SERPINB11: variants seen among roughly 807,000 people sequenced by gnomAD.
SERPINB11 encodes serpin B11.
SERPINB11 carries 32 observed loss-of-function variants against 36.7 expected under a neutral mutation model. The observed-to-expected ratio is 0.87, with a 90% CI of 0.66 to 1.17. The LOEUF (loss-of-function observed/expected upper bound fraction) is 1.17, where lower values mean the gene tolerates loss of function less well. Ranked by LOEUF, SERPINB11 falls within the 50% of genes most tolerant of loss-of-function variation. The pLI, the probability that SERPINB11 is intolerant of heterozygous loss-of-function variation, is 0.00. For missense variants in SERPINB11, 528 were observed against 458.4 expected (o/e 1.15, Z -1.39); for synonymous variants, 174 against 168.1 (o/e 1.04, Z -0.27).
At position 63,720,909 on chromosome 18, in the gene SERPINB11, G is replaced by T; in HGVS notation, c.697G>T (p.Val233Phe). 1 of 1,603,876 alleles carries T rather than the reference G, an allele frequency of 6.2e-7. No homozygotes were observed. Among genetic ancestry groups the T allele is most frequent in the South Asian group, 1.1e-5 (1 of 89,416 alleles). ...LAFVKEPQMQ[V>F]LELPYVNNKL... ...CTTTGTAAAGGAGCCGCAGATGCAA[G>T]TTCTTGAGCTGCCCTACGTTAACAA... Residue 233 changes from valine to phenylalanine, a missense_variant, in exon 7 of 8, where the codon GTT (valine) becomes TTT (phenylalanine). Coordinates refer to ENST00000544088, the MANE Select transcript of SERPINB11 (RefSeq NM_001370475.1).
At chr18:63,702,573 T>C (rs1455028395), upstream of SERPINB11, among the ~76,000 whole-genome samples, 1 of 152,136 alleles carries the variant, frequency 6.6e-6, no homozygotes, top group Non-Finnish European at 1.5e-5. Context: ...CCTGTGAGAC[T>C]CCATCTCAAA....
chr18:63,718,563 T>A (rs1192592590), intron 5 of SERPINB11, among the ~76,000 whole-genome samples: 1 of 152,072 alleles, frequency 6.6e-6, no homozygotes, highest in African/African-American at 2.4e-5. Context: ...ATCTATTATT[T>A]TGGTTTATTT....
chr18:63,709,731 G>A (rs1445858158), intron 1 of SERPINB11, among the ~76,000 whole-genome samples: 1 of 152,188 alleles, frequency 6.6e-6, no homozygotes, highest in Non-Finnish European at 1.5e-5. Flanking sequence ...AGATGGAGAT[G>A]TTCTCCTGTG....
At position 63,720,277 on chromosome 18, in the gene SERPINB11, T is replaced by G. The variant is rs932153732; in HGVS notation, c.618+122T>G. 1.3e-5 allele frequency: 11 copies of G among 873,848 alleles called. No individual in the cohort carries two copies. In the Admixed American group the frequency reaches 1.8e-4, roughly 15 times the overall value. 54.1% of individuals were successfully genotyped at this position (873,848 alleles called of 1,614,324 possible). A position where few individuals can be genotyped will look rare whatever the true frequency, so the allele number is the denominator to read the frequency against. On this transcript the variant is annotated intron_variant, in intron 6 of 7. Transcript: ENST00000544088. ...GGTCTAGGTTTCTGTTGGTTCTTTT[T>G]ATTGTATTTTCTACAGATTTTCATT...
chr18:63,707,260 A>T (rs1299409410), intron 1 of SERPINB11, among the ~76,000 whole-genome samples: 1 of 152,196 alleles, frequency 6.6e-6, no homozygotes, highest in Middle Eastern at 3.2e-3. Flanking sequence ...ATTTTTTAAC[A>T]TGCTGTCTGG....
intron 7 of SERPINB11, 47 bp from the exon 8 acceptor site, chr18:63,722,948 G>C (rs1232732849): frequency 6.7e-7 from 1 of 1,484,516 alleles, no homozygotes; most frequent in Middle Eastern, 1.8e-4. Flanking sequence ...TTAATGTAGA[G>C]GTCGTGTGTT....
In SERPINB11 at chr18:63,723,154, C is replaced by T; in HGVS notation, c.934C>T (p.Gln312Ter). The T allele has an allele frequency of 5.6e-6, 9 of 1,611,812 alleles. No homozygotes were observed. The highest frequency in any genetic ancestry group is 7.6e-6 in the Non-Finnish European group (9 of 1,178,772). The change falls in exon 8 of 8, where the codon CAG becomes TAG. Residue 312 changes from glutamine to a stop codon, truncating the protein, a stop_gained. Coordinates refer to ENST00000544088, the MANE Select transcript of SERPINB11 (RefSeq NM_001370475.1). LOFTEE classifies it high-confidence loss of function. ...KSLGVTDLFN[Q>*]VKADLSGMSP... ...TCTAGGGGTGACAGATCTCTTCAAC[C>T]AGGTCAAAGCTGATCTTTCTGGAAT... is the stretch of plus-strand genomic sequence containing the variant.
chr18:63,723,337 T>C lies in SERPINB11; in HGVS notation c.1117T>C (p.Phe373Leu). ...AQFKANHPFL[F>L]FIRHTHTNTI... ...GTTCAAGGCGAACCACCCCTTCCTT[T>C]TCTTTATAAGGCACACTCATACCAA... Residue 373 changes from phenylalanine (F) to leucine (L), a missense_variant, in exon 8 of 8, where the codon TTC becomes CTC. Coordinates refer to ENST00000544088, the MANE Select transcript of SERPINB11 (RefSeq NM_001370475.1). 1 of 1,613,854 alleles carries C rather than the reference T, an allele frequency of 6.2e-7. No homozygotes were observed. Among genetic ancestry groups the C allele is most frequent in the African/African-American group, 1.3e-5 (1 of 75,024 alleles).
intron 5 of SERPINB11, among the ~76,000 whole-genome samples, chr18:63,716,866 C>A (rs1021710047): frequency 1.3e-5 from 2 of 151,720 alleles, no homozygotes; most frequent in Admixed American, 1.3e-4. Context: ...TCCCTTAAAT[C>A]TTGATTTTAA....
At chr18:63,721,809 A>G (rs1395263) in intron 7 of SERPINB11, among the ~76,000 whole-genome samples, 56,486 of 151,978 alleles carry the variant, frequency 0.37, 11,354 homozygotes, top group East Asian at 0.61. Context: ...TGCCAACTGA[A>G]AAGGAGCTGT....
chr18:63,718,606 G>A (rs1914727317), intron 5 of SERPINB11, among the ~76,000 whole-genome samples: 1 of 151,868 alleles, frequency 6.6e-6, no homozygotes, highest in Non-Finnish European at 1.5e-5. Flanking sequence ...CTTTACTTTT[G>A]TATATTAACA....
At position 63,720,941 on chromosome 18, in the gene SERPINB11, A is replaced by G. The variant is rs1237640412; in HGVS notation, c.729A>G (p.Leu243=). ...VLELPYVNNK[L]SMIILLPVGI... ...AGCTGCCCTACGTTAACAACAAATT[A>G]AGCATGATTATTCTGCTTCCAGTAG... is the stretch of plus-strand genomic sequence containing the variant. The change falls in exon 7 of 8, where the codon TTA becomes TTG. Residue 243 remains leucine, a synonymous_variant. Coordinates refer to ENST00000544088, the MANE Select transcript of SERPINB11 (RefSeq NM_001370475.1). 21 of 1,609,692 alleles carry G rather than the reference A, an allele frequency of 1.3e-5. No individual in the cohort carries two copies. The highest frequency in any genetic ancestry group is 8.5e-7 in the Non-Finnish European group (1 of 1,178,316).
chr18:63,708,442 C>T lies in SERPINB11; in HGVS notation c.-15-1737C>T, dbSNP rs548727037. On this transcript the variant is annotated intron_variant, in intron 1 of 7. Coordinates refer to ENST00000544088, the MANE Select transcript of SERPINB11 (RefSeq NM_001370475.1). Reference sequence around the variant, plus strand: ...AGAAATGTGCAGATGGGGAATATTTCCAAAGATGGGGAAAACAGGATTTTT... The same window carrying T: ...AGAAATGTGCAGATGGGGAATATTTTCAAAGATGGGGAAAACAGGATTTTT... 7.4e-4 allele frequency among the ~76,000 whole-genome samples: 113 copies of T among 152,096 alleles called. 2 individuals are homozygous for T. The South Asian group carries it at 0.011, about 14-fold the overall frequency.
chr18:63,718,875 T>C (rs1435568637), intron 5 of SERPINB11, among the ~76,000 whole-genome samples: 2 of 152,052 alleles, frequency 1.3e-5, no homozygotes, highest in Non-Finnish European at 2.9e-5. Flanking sequence ...TCATATCTGT[T>C]AATTTACTTA....
Position 63,720,130 on chromosome 18 carries a change from T to G in SERPINB11, c.593T>G (p.Val198Gly). ...AATAAATTTCAAGTAAGAGAGACAG[T>G]TAAAAGTCCTTTTCAGCTAAGTGAG... ...WQNKFQVRET[V>G]KSPFQLSEGK... The change falls in exon 6 of 8, where the codon GTT becomes GGT. Residue 198 changes from valine (V) to glycine (G), a missense_variant. Transcript: ENST00000544088. The G allele has an allele frequency of 6.2e-7, 1 of 1,607,344 alleles. No homozygotes were observed. The highest frequency in any genetic ancestry group is 8.5e-7 in the Non-Finnish European group (1 of 1,175,456).
intron 3 of SERPINB11, 110 bp from the exon 4 acceptor site, chr18:63,712,455 C>G: frequency 9.0e-7 from 1 of 1,115,372 alleles, no homozygotes; most frequent in East Asian, 2.4e-5. Context: ...TCCTTGTATT[C>G]ACAGCCCTTT....
rs1470866074 is a variant in SERPINB11, at chr18:63,723,556, G to C, written c.*157G>C. The stretch of plus-strand genomic sequence containing the variant: ...CTAGGATTTCTTCCAACCATTTCAT[G>C]AGTTGTGAAGCTAAGGCTTTGTTAA... On this transcript the variant is annotated 3_prime_UTR_variant, in exon 8 of 8. Coordinates refer to ENST00000544088, the MANE Select transcript of SERPINB11 (RefSeq NM_001370475.1). 1.6e-6 allele frequency: 1 copy of C among 623,254 alleles called. No homozygotes were observed. The highest frequency in any genetic ancestry group is 2.8e-5 in the East Asian group (1 of 36,342). The allele number at this position is 623,254 out of a possible 1,614,324, so 38.6% of individuals were successfully genotyped here.
At chr18:63,707,260 A>G (rs1299409410) in intron 1 of SERPINB11, among the ~76,000 whole-genome samples, 1 of 152,196 alleles carries the variant, frequency 6.6e-6, no homozygotes, top group Admixed American at 6.5e-5. Flanking sequence ...ATTTTTTAAC[A>G]TGCTGTCTGG....
In SERPINB11 at chr18:63,712,694, G is replaced by C; in HGVS notation, c.357+1G>C. Reference sequence around the variant, plus strand: ...GACAAAGACGATGGCATTTCATCAGGTAAGTCCATTTGGAAGAGTGATCAA... The same window carrying C: ...GACAAAGACGATGGCATTTCATCAGCTAAGTCCATTTGGAAGAGTGATCAA... On this transcript the variant is annotated splice_donor_variant, in intron 4 of 7. Coordinates refer to ENST00000544088, the MANE Select transcript of SERPINB11 (RefSeq NM_001370475.1). LOFTEE classifies it high-confidence loss of function. 1 of 1,612,366 alleles carries C rather than the reference G, an allele frequency of 6.2e-7. No individual in the cohort carries two copies.
Sources: gnomAD v4.1 joint callset for allele counts (sites outside exome capture counted in the v4.1 genomes callset) on GRCh38, gnomAD v4.1.1 for gene constraint, MANE v1.5 for transcripts, NCBI Gene and HGNC (gene_info 2026-07-23, HGNC 2026-07-21) for gene names.